TNFRSF10B: variants seen among roughly 807,000 people sequenced by gnomAD.
TNFRSF10B encodes TNF receptor superfamily member 10b.
In TNFRSF10B, 35 loss-of-function variants were observed where a neutral mutation model predicts 41.4. The observed-to-expected ratio is 0.85, with a 90% CI of 0.65 to 1.12. The LOEUF (loss-of-function observed/expected upper bound fraction) is 1.12, where lower values mean the gene tolerates loss of function less well. TNFRSF10B is among the 50% of genes most tolerant of loss of function. TNFRSF10B has a pLI of 0.00. For missense variants in TNFRSF10B, 584 were observed against 552.7 expected, an observed-to-expected ratio of 1.06 and a Z score of -0.57; for synonymous variants, 230 against 215.5, an observed-to-expected ratio of 1.07 and a Z score of -0.59.
At chr8:23,043,106 G>A (rs747477136) in intron 2 of TNFRSF10B, 32 bp downstream of exon 2, 2 of 1,589,876 alleles carry the variant, frequency 1.3e-6, no homozygotes, top group Non-Finnish European at 1.7e-6. Flanking sequence ...AGGGGAGGAG[G>A]GGCAAGGATT....
chr8:23,064,052 G>A (rs1350722099), intron 1 of TNFRSF10B, among the ~76,000 whole-genome samples: 4 of 152,266 alleles, frequency 2.6e-5, no homozygotes, highest in Non-Finnish European at 4.4e-5. Context: ...GCAAGGAGCC[G>A]TGGAGTATCG....
At chr8:23,055,521 T>TA (rs34761330) in intron 1 of TNFRSF10B, among the ~76,000 whole-genome samples, 2,513 of 120,534 alleles carry the variant, frequency 0.021, 66 homozygotes, top group African/African-American at 0.046. Context: ...ATTAAATGCT[T>TA]AAAAAAAAAA....
chr8:23,066,789 CG>C, intron 1 of TNFRSF10B, among the ~76,000 whole-genome samples: 1 of 151,842 alleles, frequency 6.6e-6, no homozygotes, highest in South Asian at 2.1e-4. Context: ...CCCAGCTACA[CG>C]GGATGCTGAG....
intron 8 of TNFRSF10B, 98 bp downstream of exon 8, chr8:23,024,090 A>G (rs994433060): frequency 3.4e-6 from 5 of 1,472,976 alleles, no homozygotes; most frequent in Non-Finnish European, 4.8e-6. Context: ...TCCAGCATGG[A>G]ATACTCTGGA....
rs576979162 is a variant in TNFRSF10B at position 23,039,391 on chromosome 8, G to A, written c.250+3747C>T. Among the ~76,000 whole-genome samples the A allele has an allele frequency of 2.6e-5, 4 of 152,138 alleles. No homozygotes were observed. The East Asian group carries it at 7.7e-4, about 29-fold the overall frequency. On this transcript the variant is annotated intron_variant, in intron 2 of 8. Coordinates refer to ENST00000276431, the MANE Select transcript of TNFRSF10B (RefSeq NM_003842.5). The stretch of plus-strand genomic sequence containing the variant: ...GGCAAATTCAAAAGGTACAGGATAG[G>A]CCAGCAGAGAAGAGTCACAGCTCAG...
chr8:23,053,691 C>T (rs747619018), intron 1 of TNFRSF10B, among the ~76,000 whole-genome samples: 2 of 152,168 alleles, frequency 1.3e-5, no homozygotes, highest in African/African-American at 4.8e-5. Context: ...AAAACTCTTA[C>T]TTTATGGTCA....
intron 8 of TNFRSF10B, among the ~76,000 whole-genome samples, chr8:23,023,860 G>T (rs1366215552): frequency 2.0e-5 from 3 of 152,014 alleles, no homozygotes; most frequent in Non-Finnish European, 4.4e-5. Context: ...TAGCCCACTG[G>T]GGTTAGTGGT....
intron 1 of TNFRSF10B, among the ~76,000 whole-genome samples, chr8:23,061,026 AAC>A (rs1368819217): frequency 1.3e-5 from 2 of 152,204 alleles, no homozygotes; most frequent in Admixed American, 6.5e-5. Context: ...AAAAATTAAA[AAC>A]ACAGTTTAGA....
rs181075064 is a variant in TNFRSF10B, at chr8:23,031,297, C to T, written c.251-425G>A. Among the ~76,000 whole-genome samples, 172 of 152,204 alleles carry T rather than the reference C, an allele frequency of 1.1e-3. 1 individual carries two copies. The highest frequency in any genetic ancestry group is 3.9e-3 in the African/African-American group (161 of 41,510). On this transcript the variant is annotated intron_variant, in intron 2 of 8. Coordinates refer to ENST00000276431, the MANE Select transcript of TNFRSF10B (RefSeq NM_003842.5). ...TTCACCGTATTGGCCAGGCTAGTCT[C>T]GATCTCCTGACCTCATGATCTGCCT...
chr8:23,028,936 G>A (rs1326167385), intron 4 of TNFRSF10B, among the ~76,000 whole-genome samples: 3 of 152,200 alleles, frequency 2.0e-5, no homozygotes, highest in Non-Finnish European at 4.4e-5. Flanking sequence ...AAGCCCGTGT[G>A]GCCACAAGAT....
chr8:23,053,424 T>C (rs1196357964), intron 1 of TNFRSF10B, among the ~76,000 whole-genome samples: 3 of 152,196 alleles, frequency 2.0e-5, no homozygotes, highest in African/African-American at 7.2e-5. Flanking sequence ...TAAGGAGGCA[T>C]GAGAATGTGG....
chr8:23,068,775 G>C lies in TNFRSF10B; in HGVS notation c.120C>G (p.Leu40=). Reference sequence around the variant, plus strand: ...CCAACAGCAGGACCGCGGCGACAACGAGCACAAGGGTCTTGGGGACCCGGG... The same window carrying C: ...CCAACAGCAGGACCGCGGCGACAACCAGCACAAGGGTCTTGGGGACCCGGG... ...PGPRVPKTLV[L]VVAAVLLLVS... The change falls in exon 1 of 9, where the codon CTC becomes CTG. Residue 40 remains leucine (L), a synonymous_variant. Transcript: ENST00000276431. The C allele has an allele frequency of 6.2e-7, 1 of 1,601,422 alleles. No individual in the cohort carries two copies.
Position 23,022,024 on chromosome 8 carries a change from TG to T in TNFRSF10B, c.*646del. On this transcript the variant is annotated 3_prime_UTR_variant, in exon 9 of 9. Transcript: ENST00000276431. ...CTCTAATTCCACCGCTTTGGGAGTC[TG>T]AGGTGGGCAGACTGCTTGAGTCCAG... 2.2e-6 allele frequency: 1 copy of T among 450,558 alleles called. No individual in the cohort carries two copies. The highest frequency in any genetic ancestry group is 1.6e-5 in the South Asian group (1 of 64,154). The allele number at this position is 450,558 out of a possible 1,614,324, so 27.9% of individuals were successfully genotyped here.
rs763068239 is a variant in TNFRSF10B, at chr8:23,043,169, C to T, written c.219G>A (p.Arg73=). 4 of 1,614,102 alleles carry T rather than the reference C, an allele frequency of 2.5e-6. No homozygotes were observed. The Admixed American group carries it at 5.0e-5, about 20-fold the overall frequency. The change falls in exon 2 of 9, where the codon AGG becomes AGA. Residue 73 remains arginine, a synonymous_variant. Transcript: ENST00000276431. ...GACACAATCCCTCTGAGGGGCTGGA[C>T]CTCTTTTGTTGTGGGGCCGCTCTCT... ...PQQRAAPQQK[R]SSPSEGLCPP...
At chr8:23,038,217 T>C (rs1487924765) in intron 2 of TNFRSF10B, among the ~76,000 whole-genome samples, 4 of 152,184 alleles carry the variant, frequency 2.6e-5, no homozygotes, top group African/African-American at 4.8e-5. Flanking sequence ...CCATGCCCTG[T>C]GAGTAAAGTC....
intron 1 of TNFRSF10B, among the ~76,000 whole-genome samples, chr8:23,051,465 G>A (rs542423174): frequency 4.3e-4 from 66 of 152,060 alleles, no homozygotes; most frequent in Non-Finnish European, 7.4e-4. Flanking sequence ...AATAATCTTT[G>A]CATGTGTAAT....
At chr8:23,028,232 T>C in intron 5 of TNFRSF10B, 99 bp downstream of exon 5, 1 of 1,557,958 alleles carries the variant, frequency 6.4e-7, no homozygotes, top group Non-Finnish European at 8.8e-7. Flanking sequence ...TGGAGGCACT[T>C]AGACTTGGGG....
chr8:23,027,844 G>A, intron 5 of TNFRSF10B, 91 bp from the exon 6 acceptor site: 2 of 1,524,682 alleles, frequency 1.3e-6, no homozygotes, highest in South Asian at 2.3e-5. Context: ...CTGGGCTGGG[G>A]GCTGGGACAC....
rs1304820065 is a variant in TNFRSF10B, at chr8:23,020,358, C to A, written c.*2313G>T. 1 of 454,056 alleles carries A rather than the reference C, an allele frequency of 2.2e-6. No individual in the cohort carries two copies. Among genetic ancestry groups the A allele is most frequent in the African/African-American group, 2.0e-5 (1 of 50,110 alleles). The allele number at this position is 454,056 out of a possible 1,614,324, so 28.1% of individuals were successfully genotyped here. Reference sequence around the variant, plus strand: ...TATAGCAAAGCCTAATGTAACTAAACAACAAAACCCCCAATTATTTCATGT... The same window carrying A: ...TATAGCAAAGCCTAATGTAACTAAAAAACAAAACCCCCAATTATTTCATGT... On this transcript the variant is annotated 3_prime_UTR_variant, in exon 9 of 9. Coordinates refer to ENST00000276431, the MANE Select transcript of TNFRSF10B (RefSeq NM_003842.5).
Sources: gnomAD v4.1 joint callset for allele counts (sites outside exome capture counted in the v4.1 genomes callset) on GRCh38, gnomAD v4.1.1 for gene constraint, MANE v1.5 for transcripts, NCBI Gene and HGNC (gene_info 2026-07-23, HGNC 2026-07-21) for gene names.